COL4A3: variants seen among roughly 807,000 people sequenced by gnomAD.
COL4A3 encodes collagen alpha-3(IV) chain.
A neutral mutation model predicts 217.4 loss-of-function variants in COL4A3; 135 were observed. The observed-to-expected ratio is 0.62, with a 90% CI of 0.54 to 0.72. The LOEUF is 0.72. Among genes scored for constraint, COL4A3 ranks in the 30% least tolerant of loss-of-function variants. COL4A3 has a pLI of 0.00. For synonymous variants in COL4A3, 690 were observed against 736.3 expected (o/e 0.94, Z 1.02); for missense variants, 1,868 against 2,119.9 (o/e 0.88, Z 2.33).
chr2:227,235,772 C>CTTT (rs201024233), intron 1 of COL4A3, among the ~76,000 whole-genome samples: 1,240 of 122,382 alleles, frequency 0.01, 14 homozygotes, highest in African/African-American at 0.018. Context: ...TATTTCATTC[C>CTTT]TTTTTTTTTT....
intron 40 of COL4A3, 72 bp from the exon 41 acceptor site, chr2:227,295,197 T>C (rs2072975389): frequency 6.4e-7 from 1 of 1,553,718 alleles, no homozygotes; most frequent in Non-Finnish European, 8.9e-7. Context: ...CGGTGTGTAC[T>C]AAACTTTTCT....
intron 1 of COL4A3, among the ~76,000 whole-genome samples, chr2:227,206,886 T>G (rs2067122912): frequency 6.6e-6 from 1 of 152,200 alleles, no homozygotes; most frequent in Non-Finnish European, 1.5e-5. Context: ...AAATTGAAAC[T>G]CAGGTTTGTT....
chr2:227,232,072 G>A (rs565702371), intron 1 of COL4A3, among the ~76,000 whole-genome samples: 2 of 152,198 alleles, frequency 1.3e-5, no homozygotes, highest in South Asian at 4.2e-4. Context: ...TTGTCTTTCT[G>A]TACCTGGCTT....
intron 9 of COL4A3, 135 bp from the exon 10 acceptor site, chr2:227,251,005 A>C: frequency 2.8e-6 from 2 of 722,394 alleles, no homozygotes; most frequent in Non-Finnish European, 2.5e-6. Context: ...TGTTATCATT[A>C]GCTGCAGCCA....
rs781576575 is a variant in COL4A3, at chr2:227,311,941, T to G, written c.*71T>G. On this transcript the variant is annotated 3_prime_UTR_variant, in exon 52 of 52. Transcript: ENST00000396578. ...AAGTAATGACAGAACATGCTGTTAT[T>G]TAGGTATTTTTCTTTAACCAAACAA... 6.3e-7 allele frequency: 1 copy of G among 1,590,460 alleles called. No individual in the cohort carries two copies. Among genetic ancestry groups the G allele is most frequent in the Non-Finnish European group, 8.6e-7 (1 of 1,166,284 alleles).
chr2:227,248,048 T>C (rs2069456391), intron 8 of COL4A3, among the ~76,000 whole-genome samples: 1 of 152,226 alleles, frequency 6.6e-6, no homozygotes, highest in Non-Finnish European at 1.5e-5. Flanking sequence ...CAAGCGTTTC[T>C]TCTGTCTCAG....
intron 1 of COL4A3, among the ~76,000 whole-genome samples, chr2:227,165,043 G>T (rs1176430093): frequency 6.6e-6 from 1 of 152,162 alleles, no homozygotes; most frequent in Non-Finnish European, 1.5e-5. Flanking sequence ...GCGAGGAGGG[G>T]GCTTGTCCAG....
Position 227,251,120 on chromosome 2 carries a change from A to T in COL4A3, c.547-20A>T, listed in dbSNP as rs772096683. The T allele has an allele frequency of 1.3e-6, 2 of 1,585,744 alleles. No homozygotes were observed. Reference sequence around the variant, plus strand: ...GAGAAGTAAATTTAAACTTACTCTTATTCTTCTCTCAATTTCAAGGGTTTG... The same window carrying T: ...GAGAAGTAAATTTAAACTTACTCTTTTTCTTCTCTCAATTTCAAGGGTTTG... On this transcript the variant is annotated intron_variant, in intron 9 of 51. Coordinates refer to ENST00000396578, the MANE Select transcript of COL4A3 (RefSeq NM_000091.5).
chr2:227,298,520 T>A (rs571556885), intron 42 of COL4A3, among the ~76,000 whole-genome samples, 162 bp from the exon 43 acceptor site: 1 of 152,314 alleles, frequency 6.6e-6, no homozygotes, highest in East Asian at 1.9e-4. Flanking sequence ...GCTGGCATCA[T>A]CTTCTCCTGT....
chr2:227,297,886 A>G, intron 42 of COL4A3, 27 bp downstream of exon 42: 1 of 1,550,960 alleles, frequency 6.4e-7, no homozygotes, highest in African/African-American at 1.4e-5. Flanking sequence ...TAAACAGCAT[A>G]AAATAACAAA....
intron 41 of COL4A3, among the ~76,000 whole-genome samples, chr2:227,296,707 C>T (rs2073042819): frequency 6.6e-6 from 1 of 152,156 alleles, no homozygotes; most frequent in African/African-American, 2.4e-5. Context: ...TAAGCACTTT[C>T]TTTTAAAAGC....
chr2:227,234,168 T>C (rs2068563330), intron 1 of COL4A3, among the ~76,000 whole-genome samples: 2 of 152,018 alleles, frequency 1.3e-5, no homozygotes, highest in South Asian at 2.1e-4. Flanking sequence ...AAGTGGTGTA[T>C]GTGTATGTGG....
chr2:227,215,622 C>T (rs576401096), intron 1 of COL4A3, among the ~76,000 whole-genome samples: 1 of 152,222 alleles, frequency 6.6e-6, no homozygotes, highest in African/African-American at 2.4e-5. Flanking sequence ...CCATGCCAAA[C>T]TAATTTTTGC....
intron 23 of COL4A3, chr2:227,268,378 C>A (rs1011779355): frequency 2.0e-5 from 3 of 152,346 alleles, no homozygotes; most frequent in Non-Finnish European, 4.4e-5. Context: ...CCCCTGACTG[C>A]GGTGCTGTCG....
chr2:227,310,673 T>A, intron 50 of COL4A3, 103 bp from the exon 51 acceptor site: 1 of 929,016 alleles, frequency 1.1e-6, no homozygotes, highest in Non-Finnish European at 1.7e-6. Flanking sequence ...TCCTCCCCTT[T>A]CTTTACTCAC....
In COL4A3 at chr2:227,180,927, C is replaced by T. The variant is rs13401859; in HGVS notation, c.87+16114C>T. On this transcript the variant is annotated intron_variant, in intron 1 of 51. Coordinates refer to ENST00000396578, the MANE Select transcript of COL4A3 (RefSeq NM_000091.5). Reference sequence around the variant, plus strand: ...TTTTGAAAATATTATTCAGTGCATTCTTTGCTGCTGGTATTTTCTAATAAC... The same window carrying T: ...TTTTGAAAATATTATTCAGTGCATTTTTTGCTGCTGGTATTTTCTAATAAC... Among the ~76,000 whole-genome samples, 145 of 152,314 alleles carry T rather than the reference C, an allele frequency of 9.5e-4. 1 individual carries two copies. The highest frequency in any genetic ancestry group is 3.4e-3 in the African/African-American group (143 of 41,576).
intron 1 of COL4A3, among the ~76,000 whole-genome samples, chr2:227,224,322 T>C (rs2067970663): frequency 6.8e-6 from 1 of 146,058 alleles, no homozygotes. Context: ...CTAAGCTTTC[T>C]TCATCAGATA....
intron 1 of COL4A3, among the ~76,000 whole-genome samples, chr2:227,223,911 C>T (rs761564419): frequency 4.6e-5 from 7 of 152,152 alleles, no homozygotes; most frequent in Non-Finnish European, 8.8e-5. Flanking sequence ...TAGCAGTGAG[C>T]AACTAAGCCA....
In COL4A3 at chr2:227,289,221, G is replaced by A; in HGVS notation, c.2953G>A (p.Gly985Arg). The A allele has an allele frequency of 6.2e-7, 1 of 1,613,704 alleles. No homozygotes were observed. The highest frequency in any genetic ancestry group is 8.5e-7 in the Non-Finnish European group (1 of 1,179,850). ...GATGCCAGGTTTAAAGGGCCTCAAA[G>A]GACTACCCGGACCAGCAGGACCACC... ...PGMPGLKGLK[G>R]LPGPAGPPGP... Residue 985 changes from glycine (G) to arginine (R), a missense_variant, in exon 35 of 52, where the codon GGA becomes AGA. Transcript: ENST00000396578.
Sources: gnomAD v4.1 joint callset for allele counts (sites outside exome capture counted in the v4.1 genomes callset) on GRCh38, gnomAD v4.1.1 for gene constraint, MANE v1.5 for transcripts, NCBI Gene and HGNC (gene_info 2026-07-23, HGNC 2026-07-21) for gene names.